The following GPC5 variants were observed in gnomAD, a reference collection of about 807,000 sequenced individuals.
GPC5 encodes glypican-5.
Under a neutral mutation model 53.9 loss-of-function variants are expected in GPC5, and 47 were observed. That is an observed-to-expected ratio of 0.87 (90% CI 0.69 to 1.11). The LOEUF is 1.11. Ranked by LOEUF, GPC5 falls within the 50% of genes most tolerant of loss-of-function variation. The pLI, the probability that GPC5 is intolerant of heterozygous loss-of-function variation, is 0.00. For missense variants in GPC5, 748 were observed against 713.1 expected, an observed-to-expected ratio of 1.05 and a Z score of -0.56; for synonymous variants, 286 against 263.3, an observed-to-expected ratio of 1.09 and a Z score of -0.84.
chr13:92,773,371 T>C (rs964437708), intron 7 of GPC5, among the ~76,000 whole-genome samples: 1 of 152,260 alleles, frequency 6.6e-6, no homozygotes, highest in Admixed American at 6.5e-5. Flanking sequence ...CTGAAATCTT[T>C]CTGCAAATTT....
At chr13:92,705,793 A>G (rs755880316) in intron 7 of GPC5, among the ~76,000 whole-genome samples, 17 of 152,096 alleles carry the variant, frequency 1.1e-4, no homozygotes, top group Non-Finnish European at 2.2e-4. Context: ...AGCTTTTAAA[A>G]GGCAATAAAG....
At chr13:91,500,406 C>T (rs927207646) in intron 2 of GPC5, among the ~76,000 whole-genome samples, 1 of 152,160 alleles carries the variant, frequency 6.6e-6, no homozygotes, top group Non-Finnish European at 1.5e-5. Flanking sequence ...GAGAATCTTC[C>T]CTTTTTCTTG....
At chr13:92,751,302 T>TAAAAAAAAAAAAA (rs1566400471) in intron 7 of GPC5, among the ~76,000 whole-genome samples, 404 of 34,384 alleles carry the variant, frequency 0.012, 73 homozygotes, top group Middle Eastern at 0.045. Flanking sequence ...CCAGAAACAT[T>TAAAAAAAAAAAAA]TAAAAAAAAA....
rs535650981 is a variant in GPC5 at position 92,211,686 on chromosome 13, A to G, written c.1561+66697A>G. On this transcript the variant is annotated intron_variant, in intron 7 of 7. Coordinates refer to ENST00000377067, the MANE Select transcript of GPC5 (RefSeq NM_004466.6). The stretch of plus-strand genomic sequence containing the variant: ...GAGAGCCCCAGCAATCTGCATTTTA[A>G]TAAGCCCTCCAGGTGATTCTGAGGC... Among the ~76,000 whole-genome samples, 32 of 152,302 alleles carry G rather than the reference A, an allele frequency of 2.1e-4. No homozygotes were observed. In the South Asian group the frequency reaches 4.8e-3, roughly 23 times the overall value.
chr13:91,990,865 A>C (rs1324489367), intron 6 of GPC5, among the ~76,000 whole-genome samples: 1 of 152,244 alleles, frequency 6.6e-6, no homozygotes, highest in African/African-American at 2.4e-5. Flanking sequence ...TGCATGATTT[A>C]AAATTCAAAC....
chr13:91,475,858 A>G (rs1023804391), intron 2 of GPC5, among the ~76,000 whole-genome samples: 7 of 152,190 alleles, frequency 4.6e-5, no homozygotes, highest in African/African-American at 1.7e-4. Flanking sequence ...GGGGCAGTGC[A>G]TATTTCTCCC....
At chr13:91,576,214 T>C (rs1329333402) in intron 2 of GPC5, among the ~76,000 whole-genome samples, 4 of 152,206 alleles carry the variant, frequency 2.6e-5, no homozygotes, top group South Asian at 2.1e-4. Flanking sequence ...CTAATAGCAA[T>C]GTATTGTATG....
At chr13:91,751,688 T>C (rs562438921) in intron 4 of GPC5, among the ~76,000 whole-genome samples, 2 of 152,324 alleles carry the variant, frequency 1.3e-5, no homozygotes, top group East Asian at 1.9e-4. Flanking sequence ...AGAAGGTAGA[T>C]AGACTCTCCA....
intron 7 of GPC5, among the ~76,000 whole-genome samples, chr13:92,145,746 G>A (rs967950659): frequency 6.6e-6 from 1 of 152,082 alleles, no homozygotes; most frequent in African/African-American, 2.4e-5. Flanking sequence ...AGAATAGCTG[G>A]TTTCAACTAT....
At chr13:92,820,055 C>T (rs963653405) in intron 7 of GPC5, among the ~76,000 whole-genome samples, 15 of 152,120 alleles carry the variant, frequency 9.9e-5, no homozygotes, top group African/African-American at 3.6e-4. Context: ...TACCCGATTA[C>T]TGTCTACTAA....
chr13:92,766,774 T>G (rs11839660), intron 7 of GPC5, among the ~76,000 whole-genome samples: 31,582 of 152,214 alleles, frequency 0.21, 3,444 homozygotes, highest in Middle Eastern at 0.28. Flanking sequence ...CATTTGCTTT[T>G]AAGGGAACTT....
chr13:91,623,118 T>C (rs563740220), intron 2 of GPC5, among the ~76,000 whole-genome samples: 2 of 152,156 alleles, frequency 1.3e-5, no homozygotes, highest in Non-Finnish European at 2.9e-5. Flanking sequence ...TCTATCTCCA[T>C]CTATACCTAA....
At chr13:92,369,462 C>A (rs909851751) in intron 7 of GPC5, among the ~76,000 whole-genome samples, 1 of 152,196 alleles carries the variant, frequency 6.6e-6, no homozygotes, top group African/African-American at 2.4e-5. Flanking sequence ...CAGATCTGAG[C>A]CACCACCTTC....
At chr13:91,552,367 G>A (rs542612287) in intron 2 of GPC5, among the ~76,000 whole-genome samples, 5 of 152,090 alleles carry the variant, frequency 3.3e-5, no homozygotes, top group Admixed American at 3.3e-4. Flanking sequence ...GAATTGCCGA[G>A]ACCAGCTCGA....
intron 7 of GPC5, among the ~76,000 whole-genome samples, chr13:92,194,262 T>A (rs2042242745): frequency 6.6e-6 from 1 of 152,186 alleles, no homozygotes. Flanking sequence ...TCATCCTGTG[T>A]GCTTGGGATG....
intron 2 of GPC5, among the ~76,000 whole-genome samples, chr13:91,644,801 T>C (rs2034519123): frequency 6.6e-6 from 1 of 152,238 alleles, no homozygotes; most frequent in Non-Finnish European, 1.5e-5. Context: ...ACCATTTATT[T>C]TGTGACTGTG....
intron 7 of GPC5, among the ~76,000 whole-genome samples, chr13:92,414,065 A>G (rs1594181176): frequency 6.6e-6 from 1 of 152,166 alleles, no homozygotes; most frequent in African/African-American, 2.4e-5. Context: ...ATTAATTCAA[A>G]AATATTTCTT....
Position 92,564,630 on chromosome 13 carries a change from G to A in GPC5, c.1562-301652G>A, listed in dbSNP as rs148113229. On this transcript the variant is annotated intron_variant, in intron 7 of 7. Coordinates refer to ENST00000377067, the MANE Select transcript of GPC5 (RefSeq NM_004466.6). ...CAAATGTTACCGTCACCCAGGTAGTGAGCAGAGTACCCAATGGGTAGTTTT... is the reference window on the plus strand; with the variant it reads ...CAAATGTTACCGTCACCCAGGTAGTAAGCAGAGTACCCAATGGGTAGTTTT... Among the ~76,000 whole-genome samples, 447 of 152,114 alleles carry A rather than the reference G, an allele frequency of 2.9e-3. 1 individual carries two copies. The highest frequency in any genetic ancestry group is 0.01 in the African/African-American group (417 of 41,526).
intron 2 of GPC5, among the ~76,000 whole-genome samples, chr13:91,652,203 T>C (rs2034729749): frequency 6.6e-6 from 1 of 152,192 alleles, no homozygotes; most frequent in Non-Finnish European, 1.5e-5. Flanking sequence ...TCTAATGTCT[T>C]TTCCATCTTA....
Sources: gnomAD v4.1 joint callset for allele counts (sites outside exome capture counted in the v4.1 genomes callset) on GRCh38, gnomAD v4.1.1 for gene constraint, MANE v1.5 for transcripts, NCBI Gene and HGNC (gene_info 2026-07-23, HGNC 2026-07-21) for gene names.